The following CTBS variants were observed in gnomAD, a reference collection of about 807,000 sequenced individuals.
CTBS encodes di-N-acetylchitobiase.
A neutral mutation model predicts 44.3 loss-of-function variants in CTBS; 35 were observed. The observed-to-expected ratio is 0.79, with a 90% CI of 0.60 to 1.05. The LOEUF (loss-of-function observed/expected upper bound fraction) is 1.05. CTBS is among the 50% of genes least tolerant of loss of function. The pLI is 0.00. For synonymous variants in CTBS, 143 were observed against 168.0 expected, an observed-to-expected ratio of 0.85 and a Z score of 1.15; for missense variants, 458 against 475.3, an observed-to-expected ratio of 0.96 and a Z score of 0.34.
At chr1:84,557,680 C>A (rs1331418396) in intron 6 of CTBS, among the ~76,000 whole-genome samples, 1 of 151,112 alleles carries the variant, frequency 6.6e-6, no homozygotes, top group Non-Finnish European at 1.5e-5. Flanking sequence ...ACAGTGAAAC[C>A]CCGTCTCTAT....
Position 84,550,414 on chromosome 1 carries a change from A to AT in CTBS, c.*4584dup. ...TGTTTATATGTTATACTAAATAAAT[A>AT]TCTATCTATCCACACAGAATTACCT... On this transcript the variant is annotated 3_prime_UTR_variant, in exon 7 of 7. Coordinates refer to ENST00000370630, the MANE Select transcript of CTBS (RefSeq NM_004388.3). 7.6e-7 allele frequency: 1 copy of AT among 1,321,600 alleles called. No individual in the cohort carries two copies. The highest frequency in any genetic ancestry group is 1.0e-6 in the Non-Finnish European group (1 of 975,430). 81.9% of individuals were successfully genotyped at this position (1,321,600 alleles called of 1,614,324 possible). A position where few individuals can be genotyped will look rare whatever the true frequency, so the allele number is the denominator to read the frequency against.
rs200965769 is a variant in CTBS at position 84,569,970 on chromosome 1, T to G, written c.486A>C (p.Glu162Asp). 6.2e-7 allele frequency: 1 copy of G among 1,612,216 alleles called. No homozygotes were observed. The highest frequency in any genetic ancestry group is 1.3e-5 in the African/African-American group (1 of 74,956). Reference protein sequence around the residue: ...EYDALTALVKETTDSFHREIE... With the variant: ...EYDALTALVKDTTDSFHREIE... ...TTTCACGATGGAAAGAGTCTGTAGT[T>G]TCTTTGACTAAAGCAGTTAATGCAT... Residue 162 changes from glutamate (E) to aspartate (D), a missense_variant, in exon 3 of 7, where the codon GAA becomes GAC. Transcript: ENST00000370630.
At position 84,574,274 on chromosome 1, in the gene CTBS, G is replaced by A. The variant is rs975854792; in HGVS notation, c.142C>T (p.Leu48Phe). Residue 48 changes from leucine (L) to phenylalanine (F), a missense_variant, in exon 1 of 7, where the codon CTC (leucine) becomes TTC (phenylalanine). Physicochemically the swap from Leu to Phe is conservative, Grantham distance 22 (BLOSUM62 0). Transcript: ENST00000370630. ...GGATGGTGGCGAATCGGGCGGCAGA[G>A]CTCAGGCTCCGGGCATGGGCAGTCG... ...GTDCPCPEPE[L>F]CRPIRHHPDF... 12 of 1,594,712 alleles carry A rather than the reference G, an allele frequency of 7.5e-6. No homozygotes were observed. Among genetic ancestry groups the A allele is most frequent in the Non-Finnish European group, 9.4e-6 (11 of 1,172,210 alleles).
At chr1:84,569,563 A>T (rs1221881310) in intron 3 of CTBS, among the ~76,000 whole-genome samples, 1 of 152,206 alleles carries the variant, frequency 6.6e-6, no homozygotes, top group Non-Finnish European at 1.5e-5. Flanking sequence ...CAGAGACTGT[A>T]GAGCAAGTGA....
chr1:84,557,732 C>T (rs1459666235), intron 6 of CTBS, among the ~76,000 whole-genome samples: 3 of 150,926 alleles, frequency 2.0e-5, no homozygotes, highest in Non-Finnish European at 4.4e-5. Context: ...GTGGCGGGCA[C>T]CTGTAGTCCC....
chr1:84,552,542 G>A lies in CTBS; in HGVS notation c.*2457C>T, dbSNP rs1684306616. On this transcript the variant is annotated 3_prime_UTR_variant, in exon 7 of 7. Transcript: ENST00000370630. ...AAAATGGGGATAAATACTAGTATCT[G>A]ATTCTGTAAAATTTTTGAAAAAAAA... 6.6e-6 allele frequency: 1 copy of A among 151,862 alleles called. No homozygotes were observed. Among genetic ancestry groups the A allele is most frequent in the Non-Finnish European group, 1.5e-5 (1 of 68,010 alleles). 9.4% of individuals were successfully genotyped at this position (151,862 alleles called of 1,614,324 possible).
intron 6 of CTBS, 142 bp from the exon 7 acceptor site, chr1:84,555,341 A>C: frequency 1.7e-6 from 1 of 589,922 alleles, no homozygotes; most frequent in Non-Finnish European, 2.8e-6. Context: ...GGATACAATG[A>C]AATAAAAATT....
intron 6 of CTBS, among the ~76,000 whole-genome samples, chr1:84,562,860 T>C (rs1270583924): frequency 6.6e-6 from 1 of 152,176 alleles, no homozygotes; most frequent in East Asian, 1.9e-4. Context: ...TTCCTCCCTA[T>C]GTAAGTCTCA....
At chr1:84,558,404 C>G (rs1316133432) in intron 6 of CTBS, among the ~76,000 whole-genome samples, 2 of 150,750 alleles carry the variant, frequency 1.3e-5, no homozygotes, top group Non-Finnish European at 3.0e-5. Context: ...ATTCTCCTGC[C>G]TCAGCCTCCC....
In CTBS at chr1:84,570,037, A is replaced by G. The variant is rs990846116; in HGVS notation, c.419T>C (p.Ile140Thr). 2.5e-6 allele frequency: 4 copies of G among 1,613,582 alleles called. No individual in the cohort carries two copies. In the Admixed American group the frequency reaches 6.7e-5, roughly 27 times the overall value. The change falls in exon 3 of 7, where the codon ATA (isoleucine) becomes ACA (threonine). Residue 140 changes from isoleucine (I) to threonine (T), a missense_variant. Ile to Thr is a moderately conservative substitution (Grantham distance 89). Coordinates refer to ENST00000370630, the MANE Select transcript of CTBS (RefSeq NM_004388.3). ...AKTQYMDGIN[I>T]DIEQEVNCLS... Reference sequence around the variant, plus strand: ...ACAATTAACTTCTTGCTCTATATCTATATTAATTCCATCCATATATTGTGT... The same window carrying G: ...ACAATTAACTTCTTGCTCTATATCTGTATTAATTCCATCCATATATTGTGT...
At chr1:84,564,306 T>C (rs1558628480) in intron 4 of CTBS, among the ~76,000 whole-genome samples, 2 of 152,204 alleles carry the variant, frequency 1.3e-5, no homozygotes, top group African/African-American at 4.8e-5. Flanking sequence ...ATGTGTCATC[T>C]ATAGTGGGAG....
chr1:84,570,228 G>T, intron 2 of CTBS, 89 bp from the exon 3 acceptor site: 1 of 1,045,238 alleles, frequency 9.6e-7, no homozygotes, highest in East Asian at 2.5e-5. Context: ...GTTTTCCAAT[G>T]GAGAAAGAAT....
Position 84,551,407 on chromosome 1 carries a change from G to T in CTBS, c.*3592C>A, listed in dbSNP as rs1209728704. 12 of 560,220 alleles carry T rather than the reference G, an allele frequency of 2.1e-5. No homozygotes were observed. The highest frequency in any genetic ancestry group is 2.7e-5 in the Non-Finnish European group (12 of 441,984). 34.7% of individuals were successfully genotyped at this position (560,220 alleles called of 1,614,324 possible). A position where few individuals can be genotyped will look rare whatever the true frequency, so the allele number is the denominator to read the frequency against. On this transcript the variant is annotated 3_prime_UTR_variant, in exon 7 of 7. Coordinates refer to ENST00000370630, the MANE Select transcript of CTBS (RefSeq NM_004388.3). ...ATTTAAAAATAAAAAAATAGAATTA[G>T]CACTGTCCAACAGAACTTATGTGAT...
At position 84,551,701 on chromosome 1, in the gene CTBS, A is replaced by G. The variant is rs527311621; in HGVS notation, c.*3298T>C. 1 of 152,286 alleles carries G rather than the reference A, an allele frequency of 6.6e-6. No homozygotes were observed. The highest frequency in any genetic ancestry group is 1.5e-5 in the Non-Finnish European group (1 of 68,002). The allele number at this position is 152,286 out of a possible 1,614,324, so 9.4% of individuals were successfully genotyped here. ...AGCTTAAAACTTAAAATAGAAAAGG[A>G]AAAGAGCAGAGGATAATTTTTAACA... is the stretch of plus-strand genomic sequence containing the variant. On this transcript the variant is annotated 3_prime_UTR_variant, in exon 7 of 7. Coordinates refer to ENST00000370630, the MANE Select transcript of CTBS (RefSeq NM_004388.3).
Position 84,574,262 on chromosome 1 carries a change from T to C in CTBS, c.154A>G (p.Ile52Val). The change falls in exon 1 of 7, where the codon ATT becomes GTT. Residue 52 changes from isoleucine (I) to valine (V), a missense_variant. Coordinates refer to ENST00000370630, the MANE Select transcript of CTBS (RefSeq NM_004388.3). ...ACCTCGAAATCTGGATGGTGGCGAA[T>C]CGGGCGGCAGAGCTCAGGCTCCGGG... Reference protein sequence around the residue: ...PCPEPELCRPIRHHPDFEVFV... With the variant: ...PCPEPELCRPVRHHPDFEVFV... 6.2e-7 allele frequency: 1 copy of C among 1,602,440 alleles called. No individual in the cohort carries two copies. The highest frequency in any genetic ancestry group is 8.5e-7 in the Non-Finnish European group (1 of 1,175,568).
At chr1:84,558,234 A>G (rs1684505896) in intron 6 of CTBS, among the ~76,000 whole-genome samples, 1 of 152,100 alleles carries the variant, frequency 6.6e-6, no homozygotes, top group Non-Finnish European at 1.5e-5. Context: ...CAATGTATAG[A>G]TATATCAAAA....
In CTBS at chr1:84,574,435, C is replaced by G. The variant is rs767568131; in HGVS notation, c.-20G>C. 9 of 1,494,124 alleles carry G rather than the reference C, an allele frequency of 6.0e-6. No homozygotes were observed. The highest frequency in any genetic ancestry group is 2.9e-5 in the African/African-American group (2 of 68,496). 92.6% of individuals were successfully genotyped at this position (1,494,124 alleles called of 1,614,324 possible). On this transcript the variant is annotated 5_prime_UTR_variant, in exon 1 of 7. Coordinates refer to ENST00000370630, the MANE Select transcript of CTBS (RefSeq NM_004388.3). ...GGACATAGCAGCAGGTCTAGCGGGC[C>G]GGAGTGGGTTCCTACCGCCTGGGTG...
chr1:84,549,986 A>G lies in CTBS; in HGVS notation c.*5013T>C, dbSNP rs1300245170. ...AATAACTTCTTTAGCGAGGACCACT[A>G]TAACTCATAAACTTTTCTGGACAAA... On this transcript the variant is annotated 3_prime_UTR_variant, in exon 7 of 7. Transcript: ENST00000370630. 1 of 151,966 alleles carries G rather than the reference A, an allele frequency of 6.6e-6. No individual in the cohort carries two copies. The highest frequency in any genetic ancestry group is 1.5e-5 in the Non-Finnish European group (1 of 67,954). 9.4% of individuals were successfully genotyped at this position (151,966 alleles called of 1,614,324 possible). A position where few individuals can be genotyped will look rare whatever the true frequency, so the allele number is the denominator to read the frequency against.
chr1:84,565,753 T>C, intron 4 of CTBS, 88 bp downstream of exon 4: 1 of 732,182 alleles, frequency 1.4e-6, no homozygotes, highest in Non-Finnish European at 1.9e-6. Context: ...CGTATACATA[T>C]AACTTAGAAA....
Sources: allele counts gnomAD v4.1 joint callset (sites outside exome capture counted in the v4.1 genomes callset), GRCh38; gene constraint gnomAD v4.1.1; transcripts MANE v1.5; gene names NCBI Gene and HGNC (gene_info 2026-07-23, HGNC 2026-07-21).